The following MAPK10 variants were observed in gnomAD, a reference collection of about 807,000 sequenced individuals.
MAPK10 encodes mitogen-activated protein kinase 10, also known as JNK3 alpha protein kinase.
A neutral mutation model predicts 59.3 loss-of-function variants in MAPK10; 25 were observed. The observed-to-expected ratio is 0.42, with a 90% CI of 0.31 to 0.59. MAPK10 has a LOEUF of 0.59. Ranked by LOEUF, MAPK10 falls within the 20% of genes least tolerant of loss-of-function variation. The pLI, the probability that MAPK10 is intolerant of heterozygous loss-of-function variation, is 0.15. For missense variants in MAPK10, 351 were observed against 568.9 expected (o/e 0.62, Z 3.90); for synonymous variants, 190 against 200.5 (o/e 0.95, Z 0.44).
At chr4:86,484,185 T>A (rs1277304316) in intron 1 of MAPK10, among the ~76,000 whole-genome samples, 1 of 152,224 alleles carries the variant, frequency 6.6e-6, no homozygotes, top group Non-Finnish European at 1.5e-5. Context: ...GCTAAAGGAT[T>A]ATATTTTTAA....
intron 1 of MAPK10, among the ~76,000 whole-genome samples, chr4:86,548,026 G>C (rs111422174): frequency 6.6e-6 from 1 of 152,124 alleles, no homozygotes; most frequent in Non-Finnish European, 1.5e-5. Context: ...ATCCAGCAGT[G>C]GCAACCCGCT....
At chr4:86,311,511 C>T (rs1034062323) in intron 2 of MAPK10, among the ~76,000 whole-genome samples, 1 of 152,122 alleles carries the variant, frequency 6.6e-6, no homozygotes, top group African/African-American at 2.4e-5. Context: ...CTTTAAAGGA[C>T]TGTAACTACA....
At chr4:86,189,544 CTG>C (rs746661585) in intron 3 of MAPK10, among the ~76,000 whole-genome samples, 2 of 152,062 alleles carry the variant, frequency 1.3e-5, no homozygotes, top group Non-Finnish European at 2.9e-5. Flanking sequence ...ATTTGGCTCT[CTG>C]TTTGTCTATT....
intron 3 of MAPK10, among the ~76,000 whole-genome samples, chr4:86,189,285 T>C (rs553172663): frequency 2.0e-5 from 3 of 152,340 alleles, no homozygotes; most frequent in East Asian, 3.9e-4. Flanking sequence ...GTGAAGAATG[T>C]CAAAGGTAGT....
At chr4:86,484,557 A>G (rs1358988943) in intron 1 of MAPK10, among the ~76,000 whole-genome samples, 1 of 152,174 alleles carries the variant, frequency 6.6e-6, no homozygotes, top group Non-Finnish European at 1.5e-5. Context: ...AAATGGGGAT[A>G]ATAAAATCCA....
At chr4:86,565,798 T>G (rs2149106191) in intron 1 of MAPK10, among the ~76,000 whole-genome samples, 1 of 152,336 alleles carries the variant, frequency 6.6e-6, no homozygotes, top group East Asian at 1.9e-4. Flanking sequence ...ATCAAACTCC[T>G]ATACTTGTCC....
chr4:86,329,542 G>C (rs1432001257), intron 2 of MAPK10, among the ~76,000 whole-genome samples: 2 of 152,140 alleles, frequency 1.3e-5, no homozygotes, highest in African/African-American at 4.8e-5. Context: ...TTTTATTATG[G>C]GCAAGGGCAA....
intron 11 of MAPK10, among the ~76,000 whole-genome samples, chr4:86,049,275 CAA>C (rs965333878): frequency 6.6e-6 from 1 of 151,768 alleles, no homozygotes; most frequent in African/African-American, 2.4e-5. Flanking sequence ...TGTTGGGGAA[CAA>C]AAAAGTTTGA....
intron 2 of MAPK10, among the ~76,000 whole-genome samples, chr4:86,337,084 T>C (rs919627187): frequency 6.6e-6 from 1 of 152,168 alleles, no homozygotes; most frequent in African/African-American, 2.4e-5. Flanking sequence ...CCACCACGCC[T>C]GGCCAGGAAT....
chr4:86,291,946 A>G (rs2095240236), intron 2 of MAPK10, among the ~76,000 whole-genome samples: 1 of 152,184 alleles, frequency 6.6e-6, no homozygotes, highest in South Asian at 2.1e-4. Context: ...GGCAATCACA[A>G]TGATTCCCTC....
At chr4:86,584,462 T>C (rs74635153) in intron 1 of MAPK10, among the ~76,000 whole-genome samples, 7,090 of 152,224 alleles carry the variant, frequency 0.047, 219 homozygotes, top group African/African-American at 0.061. Flanking sequence ...ATGGAGTTCC[T>C]ACGAGAGGGT....
chr4:86,418,676 A>ATG, intron 1 of MAPK10, among the ~76,000 whole-genome samples: 1 of 152,372 alleles, frequency 6.6e-6, no homozygotes, highest in South Asian at 2.1e-4. Context: ...CTTCACAAAT[A>ATG]TGAAAATCTC....
At chr4:86,096,915 A>G (rs2054328497) in intron 9 of MAPK10, among the ~76,000 whole-genome samples, 1 of 151,950 alleles carries the variant, frequency 6.6e-6, no homozygotes, top group South Asian at 2.1e-4. Context: ...AGACCTTAAG[A>G]TTGGTTATAA....
chr4:86,320,405 T>TTCTATTCCAGGCTC (rs2095866266), intron 2 of MAPK10, among the ~76,000 whole-genome samples: 1 of 152,212 alleles, frequency 6.6e-6, no homozygotes, highest in Non-Finnish European at 1.5e-5. Flanking sequence ...CAGTGAGGCT[T>TTCTATTCCAGGCTC]ATTTCTATTC....
intron 1 of MAPK10, among the ~76,000 whole-genome samples, chr4:86,441,583 C>G (rs1241936010): frequency 1.3e-5 from 2 of 152,116 alleles, no homozygotes; most frequent in African/African-American, 4.8e-5. Context: ...AAGCTAGAAA[C>G]AAGCATTTTC....
intron 3 of MAPK10, among the ~76,000 whole-genome samples, chr4:86,175,249 C>T (rs1329899686): frequency 1.3e-5 from 2 of 152,170 alleles, no homozygotes; most frequent in Non-Finnish European, 1.5e-5. Context: ...TTCACTAACT[C>T]ATCTCTAAAA....
chr4:86,202,043 T>C (rs1475465109), intron 2 of MAPK10, among the ~76,000 whole-genome samples: 1 of 151,954 alleles, frequency 6.6e-6, no homozygotes, highest in Non-Finnish European at 1.5e-5. Context: ...AAGAGGCAAT[T>C]ATATTTGAAA....
intron 1 of MAPK10, among the ~76,000 whole-genome samples, chr4:86,366,504 C>A (rs1236338750): frequency 1.3e-5 from 2 of 151,994 alleles, no homozygotes; most frequent in Non-Finnish European, 2.9e-5. Context: ...AATATCTAGT[C>A]CCATACCCTG....
chr4:86,437,997 A>G (rs1748966726), intron 1 of MAPK10, among the ~76,000 whole-genome samples: 1 of 152,270 alleles, frequency 6.6e-6, no homozygotes, highest in African/African-American at 2.4e-5. Flanking sequence ...AAATGAAAGT[A>G]TATGCTGAAT....
Sources: gnomAD v4.1 joint callset for allele counts (sites outside exome capture counted in the v4.1 genomes callset) on GRCh38, gnomAD v4.1.1 for gene constraint, MANE v1.5 for transcripts, NCBI Gene and HGNC (gene_info 2026-07-23, HGNC 2026-07-21) for gene names.